ST7: variants seen among roughly 807,000 people sequenced by gnomAD.
The protein encoded by ST7 is suppression of tumorigenicity 7, also known as suppressor of tumorigenicity 7 protein.
Under a neutral mutation model 78.7 loss-of-function variants are expected in ST7, and 28 were observed. The observed-to-expected ratio is 0.36, with a 90% CI of 0.26 to 0.49. ST7 has a LOEUF of 0.49. Ranked by LOEUF, ST7 falls within the 20% of genes least tolerant of loss-of-function variation. The probability of loss-of-function intolerance (pLI) is 0.99; values close to 1 mark genes in which losing one functional copy is unlikely to be tolerated. For synonymous variants in ST7, 247 were observed against 249.6 expected (o/e 0.99, Z 0.10); for missense variants, 418 against 696.0 (o/e 0.60, Z 4.49).
Position 117,219,132 on chromosome 7 carries a change from C to G in ST7, c.1454C>G (p.Pro485Arg). The change falls in exon 14 of 16, where the codon CCT (proline) becomes CGT (arginine). Residue 485 changes from proline (P) to arginine (R), a missense_variant. This residue lies in a region of ST7 where 288 missense variants were observed against 537.1 expected (regional missense o/e 0.54). Coordinates refer to ENST00000323984, the MANE Select transcript of ST7 (RefSeq NM_001369598.1). This position sits in a 1 kb window ranked among gnomAD's most constrained non-coding sequence, Gnocchi z 5.1. ...TTGGAAAAGGGGCACCTATTTTATC[C>G]TTACCCAATCTGTACAGAAACAGCA... ...YPLEKGHLFY[P>R]YPICTETADR... The G allele has an allele frequency of 6.2e-7, 1 of 1,613,600 alleles. No individual in the cohort carries two copies. The highest frequency in any genetic ancestry group is 1.3e-5 in the African/African-American group (1 of 74,974).
intron 1 of ST7, among the ~76,000 whole-genome samples, chr7:117,040,556 C>T (rs1272823245): frequency 1.3e-5 from 2 of 152,184 alleles, no homozygotes; most frequent in East Asian, 3.8e-4. Flanking sequence ...TAAATACCCT[C>T]TCTGGGCAGC....
At chr7:116,980,053 G>C (rs1315533711) in intron 1 of ST7, among the ~76,000 whole-genome samples, 1 of 144,042 alleles carries the variant, frequency 6.9e-6, no homozygotes, top group Non-Finnish European at 1.5e-5. Flanking sequence ...CCGGCTCCTG[G>C]ATTCAAGCAA....
At chr7:116,979,173 C>G (rs1160779238) in intron 1 of ST7, among the ~76,000 whole-genome samples, 1 of 152,112 alleles carries the variant, frequency 6.6e-6, no homozygotes, top group Non-Finnish European at 1.5e-5. Context: ...CCTATTAATC[C>G]CCTGTTGGGG....
At chr7:117,196,624 CTTTTTTTTTTT>C (rs56133709) in intron 12 of ST7, among the ~76,000 whole-genome samples, 2 of 59,504 alleles carry the variant, frequency 3.4e-5, no homozygotes, top group African/African-American at 1.3e-4. Context: ...GATTGTTGGG[CTTTTTTTTTTT>C]TTTTTTTTTT....
intron 1 of ST7, among the ~76,000 whole-genome samples, chr7:117,007,137 G>GTCATT (rs1795189914): frequency 6.6e-6 from 1 of 152,150 alleles, no homozygotes; most frequent in Non-Finnish European, 1.5e-5. Context: ...GCTTAATGAC[G>GTCATT]AAGGCATGTC....
intron 1 of ST7, 114 bp downstream of exon 1, chr7:116,953,805 G>C (rs1299477505): frequency 2.9e-6 from 2 of 698,856 alleles, no homozygotes; most frequent in Non-Finnish European, 3.6e-6. Context: ...CGGGGCCCGC[G>C]CACCGGAGGC....
At chr7:117,055,779 C>T (rs191615618) in intron 1 of ST7, among the ~76,000 whole-genome samples, 38 of 152,116 alleles carry the variant, frequency 2.5e-4, no homozygotes, top group African/African-American at 7.7e-4. Context: ...CTTTTTGTTC[C>T]GGCTTAATTA....
chr7:117,082,965 A>C (rs951042430), intron 1 of ST7, among the ~76,000 whole-genome samples: 1 of 152,236 alleles, frequency 6.6e-6, no homozygotes, highest in Non-Finnish European at 1.5e-5. Flanking sequence ...AATACCATAC[A>C]TATCTAGTGA....
intron 1 of ST7, among the ~76,000 whole-genome samples, chr7:117,090,254 GAC>G (rs10537016): frequency 0.36 from 53,443 of 148,522 alleles, 9,453 homozygotes; most frequent in East Asian, 0.47. Flanking sequence ...CACACACACA[GAC>G]ACACACACAC....
chr7:117,128,598 G>A (rs985776379), intron 3 of ST7, among the ~76,000 whole-genome samples: 19 of 151,776 alleles, frequency 1.3e-4, no homozygotes, highest in Admixed American at 9.9e-4. Flanking sequence ...ATGAAAACAC[G>A]TATTCCTGTT....
intron 1 of ST7, among the ~76,000 whole-genome samples, chr7:117,059,750 C>T (rs1798251126): frequency 1.5e-5 from 2 of 137,524 alleles, no homozygotes; most frequent in Non-Finnish European, 3.0e-5. Flanking sequence ...GTGGGAGAAT[C>T]ACTTGAGCCC....
intron 12 of ST7, among the ~76,000 whole-genome samples, chr7:117,205,463 G>C (rs193584): frequency 2.6e-5 from 4 of 152,034 alleles, no homozygotes; most frequent in Admixed American, 6.5e-5. Context: ...TGAAAATCCC[G>C]AAAAAATAGT....
rs563034263 is a variant in ST7, at chr7:117,068,190, A to G, written c.152-31572A>G. On this transcript the variant is annotated intron_variant, in intron 1 of 15. Transcript: ENST00000323984. The stretch of plus-strand genomic sequence containing the variant: ...TATTTTGGTAAATACTATTTCTATT[A>G]TAAATGCACATTTCAAAAATAATGA... Among the ~76,000 whole-genome samples the G allele has an allele frequency of 8.5e-5, 13 of 152,294 alleles. No individual in the cohort carries two copies. The South Asian group carries it at 1.9e-3, about 22-fold the overall frequency.
At chr7:116,987,960 C>T (rs979208989) in intron 1 of ST7, among the ~76,000 whole-genome samples, 2 of 152,234 alleles carry the variant, frequency 1.3e-5, no homozygotes, top group African/African-American at 2.4e-5. Flanking sequence ...CTCCTGACCT[C>T]AAGTAGTCCA....
intron 10 of ST7, among the ~76,000 whole-genome samples, chr7:117,180,183 A>T (rs1808641169): frequency 6.6e-6 from 1 of 152,184 alleles, no homozygotes; most frequent in African/African-American, 2.4e-5. Context: ...CATAACCCAC[A>T]GATAATCTTT....
At chr7:116,981,573 T>C (rs185180913) in intron 1 of ST7, among the ~76,000 whole-genome samples, 1 of 152,330 alleles carries the variant, frequency 6.6e-6, no homozygotes, top group Admixed American at 6.5e-5. Flanking sequence ...CTGTGAGGAT[T>C]CTCTATTATA....
At chr7:117,082,251 C>A (rs2116619343) in intron 1 of ST7, among the ~76,000 whole-genome samples, 1 of 152,242 alleles carries the variant, frequency 6.6e-6, no homozygotes. Context: ...AAAATCTCAC[C>A]ATCACACTTG....
chr7:117,187,860 A>G (rs978827850), intron 10 of ST7: 1 of 152,192 alleles, frequency 6.6e-6, no homozygotes, highest in African/African-American at 2.4e-5. Context: ...AGAAAACAAC[A>G]TATTTCGTTC....
intron 6 of ST7, among the ~76,000 whole-genome samples, chr7:117,133,567 G>T (rs944130987): frequency 6.6e-6 from 1 of 151,164 alleles, no homozygotes; most frequent in Non-Finnish European, 1.5e-5. Context: ...TATGTTGTTT[G>T]TCTTTTTTTT....
Sources: gnomAD v4.1 joint callset for allele counts (sites outside exome capture counted in the v4.1 genomes callset) on GRCh38, gnomAD v4.1.1 for gene constraint, gnomAD v4.1.1 regional missense constraint, Gnocchi (gnomAD v3.1) non-coding constraint, MANE v1.5 for transcripts, NCBI Gene and HGNC (gene_info 2026-07-23, HGNC 2026-07-21) for gene names.